MYRIP: variants seen among roughly 807,000 people sequenced by gnomAD.
MYRIP encodes the protein rab effector MyRIP.
In MYRIP, 49 loss-of-function variants were observed where a neutral mutation model predicts 98.0. The observed-to-expected ratio is 0.50, with a 90% confidence interval of 0.40 to 0.63. The LOEUF (loss-of-function observed/expected upper bound fraction) is 0.63, where lower values mean the gene tolerates loss of function less well. Among genes scored for constraint, MYRIP ranks in the 30% least tolerant of loss-of-function variants. The pLI, the probability that MYRIP is intolerant of heterozygous loss-of-function variation, is 0.00. For missense variants in MYRIP, 1,004 were observed against 1,058.2 expected, an observed-to-expected ratio of 0.95 and a Z score of 0.71; for synonymous variants, 404 against 409.5, an observed-to-expected ratio of 0.99 and a Z score of 0.16.
At chr3:40,187,101 A>C (rs1461421803) in intron 9 of MYRIP, among the ~76,000 whole-genome samples, 2 of 152,220 alleles carry the variant, frequency 1.3e-5, no homozygotes, top group Non-Finnish European at 2.9e-5. Flanking sequence ...TATGGAGTGC[A>C]TGGGTGTTAA....
At chr3:39,962,898 G>A (rs540125494) in intron 2 of MYRIP, among the ~76,000 whole-genome samples, 2 of 152,114 alleles carry the variant, frequency 1.3e-5, no homozygotes, top group Non-Finnish European at 2.9e-5. Context: ...TTATAGAGCA[G>A]TAGAATTATA....
Position 39,819,074 on chromosome 3 carries a change from C to T in MYRIP, c.-31+9158C>T, listed in dbSNP as rs528800732. Among the ~76,000 whole-genome samples, 8 of 152,142 alleles carry T rather than the reference C, an allele frequency of 5.3e-5. No individual in the cohort carries two copies. In the East Asian group the frequency reaches 9.6e-4, roughly 18 times the overall value. On this transcript the variant is annotated intron_variant, in intron 1 of 16. Coordinates refer to ENST00000302541, the MANE Select transcript of MYRIP (RefSeq NM_015460.4). ...CTCATATAAATATTTACCAGTGGGGCGCGGTGGCTGATGCCTGTAATTCCA... is the reference window on the plus strand; with the variant it reads ...CTCATATAAATATTTACCAGTGGGGTGCGGTGGCTGATGCCTGTAATTCCA...
rs535577915 is a variant in MYRIP at position 40,143,685 on chromosome 3, A to T, written c.333-7363A>T. Among the ~76,000 whole-genome samples the T allele has an allele frequency of 3.3e-5, 5 of 152,312 alleles. No homozygotes were observed. In the East Asian group the frequency reaches 9.6e-4, roughly 29 times the overall value. On this transcript the variant is annotated intron_variant, in intron 3 of 16. Coordinates refer to ENST00000302541, the MANE Select transcript of MYRIP (RefSeq NM_015460.4). ...TATTTTTAATTGACAATAATTGTGT[A>T]TATTTATGGGGTACAATGTGACATT...
chr3:40,166,545 T>C (rs139117372), intron 5 of MYRIP, among the ~76,000 whole-genome samples: 200 of 152,224 alleles, frequency 1.3e-3, no homozygotes, highest in African/African-American at 4.5e-3. Flanking sequence ...GGAGGAATTT[T>C]TGGGCCAAGC....
intron 3 of MYRIP, among the ~76,000 whole-genome samples, chr3:40,106,931 C>G (rs1344991263): frequency 6.6e-6 from 1 of 151,600 alleles, no homozygotes; most frequent in Non-Finnish European, 1.5e-5. Context: ...TTGATATGCT[C>G]TTTATCAACA....
At chr3:39,994,169 T>C (rs1421393424) in intron 2 of MYRIP, among the ~76,000 whole-genome samples, 1 of 152,220 alleles carries the variant, frequency 6.6e-6, no homozygotes. Flanking sequence ...TTCATCTCAC[T>C]GGGGAGTGTC....
At chr3:40,063,485 A>G (rs953223919) in intron 3 of MYRIP, among the ~76,000 whole-genome samples, 2 of 152,244 alleles carry the variant, frequency 1.3e-5, no homozygotes, top group South Asian at 2.1e-4. Context: ...CAAAAGGTCT[A>G]TGCTAAAGTA....
intron 2 of MYRIP, among the ~76,000 whole-genome samples, chr3:40,005,986 G>A (rs1479401465): frequency 6.6e-6 from 1 of 152,110 alleles, no homozygotes; most frequent in East Asian, 1.9e-4. Flanking sequence ...AAATGGAGGT[G>A]GCCGAATGGA....
In MYRIP at chr3:39,874,078, G is replaced by C. The variant is rs1942897616; in HGVS notation, c.-30-26709G>C. Among the ~76,000 whole-genome samples, 10 of 151,320 alleles carry C rather than the reference G, an allele frequency of 6.6e-5. No homozygotes were observed. In the South Asian group the frequency reaches 2.1e-3, roughly 32 times the overall value. ...ACATCCCTTGTAAGTTGGATTCCTA[G>C]GTATTTTATTCTCTTTGAAGCAATT... is the stretch of plus-strand genomic sequence containing the variant. On this transcript the variant is annotated intron_variant, in intron 1 of 16. Coordinates refer to ENST00000302541, the MANE Select transcript of MYRIP (RefSeq NM_015460.4).
chr3:39,981,760 G>A (rs1007896527), intron 2 of MYRIP, among the ~76,000 whole-genome samples: 9 of 152,112 alleles, frequency 5.9e-5, no homozygotes, highest in Non-Finnish European at 7.3e-5. Context: ...CATATGTTAC[G>A]TATAAGACAT....
Position 40,084,603 on chromosome 3 carries a change from T to TTATA in MYRIP, c.332+40335_332+40336insATAT, listed in dbSNP as rs1478680344. ...TCGATAGATAATACACATCTATGTA[T>TTATA]TATCTATCGATAGATAATACACATC... On this transcript the variant is annotated intron_variant, in intron 3 of 16. Coordinates refer to ENST00000302541, the MANE Select transcript of MYRIP (RefSeq NM_015460.4). 1.6e-4 allele frequency among the ~76,000 whole-genome samples: 23 copies of TTATA among 145,264 alleles called. 1 individual carries two copies. Among genetic ancestry groups the TTATA allele is most frequent in the African/African-American group, 5.0e-4 (20 of 40,350 alleles).
chr3:39,942,949 TA>T (rs1432353222), intron 2 of MYRIP, among the ~76,000 whole-genome samples: 4 of 152,194 alleles, frequency 2.6e-5, no homozygotes, highest in African/African-American at 9.6e-5. Flanking sequence ...TCACTTAACA[TA>T]ATGACCTCCA....
intron 3 of MYRIP, among the ~76,000 whole-genome samples, chr3:40,085,504 C>T (rs896288073): frequency 1.3e-5 from 2 of 152,054 alleles, no homozygotes; most frequent in Non-Finnish European, 2.9e-5. Flanking sequence ...AGGCTGATCT[C>T]GAACTCCTGA....
At position 40,007,339 on chromosome 3, in the gene MYRIP, A is replaced by G. The variant is rs1334539274; in HGVS notation, c.111-36711A>G. Among the ~76,000 whole-genome samples, 5 of 94,570 alleles carry G rather than the reference A, an allele frequency of 5.3e-5. No individual in the cohort carries two copies. The East Asian group carries it at 3.2e-3, about 60-fold the overall frequency. 62.0% of individuals were successfully genotyped at this position (94,570 alleles called of 152,430 possible). ...TCTGACTTTGCATTAGTTTAAATAT[A>G]TGTTAAAAAAAAAAAACCACACATG... On this transcript the variant is annotated intron_variant, in intron 2 of 16. Transcript: ENST00000302541.
At chr3:40,244,420 AC>A in intron 12 of MYRIP, 25 bp from the exon 13 acceptor site, 1 of 1,583,814 alleles carries the variant, frequency 6.3e-7, no homozygotes, top group Non-Finnish European at 8.6e-7. Context: ...GCAGACATGA[AC>A]TCAAATGTAG....
chr3:39,987,620 C>T (rs1014149876), intron 2 of MYRIP, among the ~76,000 whole-genome samples: 17 of 152,166 alleles, frequency 1.1e-4, no homozygotes, highest in Non-Finnish European at 2.5e-4. Context: ...ACATTCCCAC[C>T]AACGGTGTAA....
chr3:40,070,456 C>A (rs1948201036), intron 3 of MYRIP, among the ~76,000 whole-genome samples: 1 of 152,170 alleles, frequency 6.6e-6, no homozygotes, highest in African/African-American at 2.4e-5. Context: ...GCATGGATTA[C>A]AAAGGCAAAT....
At chr3:39,897,826 CTTTTT>C (rs66846258) in intron 1 of MYRIP, among the ~76,000 whole-genome samples, 10 of 134,082 alleles carry the variant, frequency 7.5e-5, no homozygotes, top group Non-Finnish European at 8.1e-5. Context: ...AAGTCCTGAT[CTTTTT>C]TTTTTTTTTT....
At chr3:39,975,025 G>A (rs1015092406) in intron 2 of MYRIP, among the ~76,000 whole-genome samples, 11 of 152,172 alleles carry the variant, frequency 7.2e-5, no homozygotes, top group Non-Finnish European at 1.3e-4. Flanking sequence ...ATTCAACATA[G>A]TGTTGGAAGT....
Sources: allele counts gnomAD v4.1 joint callset (sites outside exome capture counted in the v4.1 genomes callset), GRCh38; gene constraint gnomAD v4.1.1; transcripts MANE v1.5; gene names NCBI Gene and HGNC (gene_info 2026-07-23, HGNC 2026-07-21).